SLC25A23: variants seen among roughly 807,000 people sequenced by gnomAD.
SLC25A23 encodes mitochondrial adenyl nucleotide antiporter SLC25A23.
Under a neutral mutation model 53.9 loss-of-function variants are expected in SLC25A23, and 32 were observed. The ratio of observed to expected loss-of-function variants is 0.59; its 90% CI spans 0.45 to 0.80. SLC25A23 has a LOEUF of 0.80. Among genes scored for constraint, SLC25A23 ranks in the 30% least tolerant of loss-of-function variants. The pLI is 0.00. For synonymous variants in SLC25A23, 275 were observed against 264.5 expected (o/e 1.04, Z -0.38); for missense variants, 575 against 651.4 (o/e 0.88, Z 1.28).
chr19:6,449,124 A>C (rs1555736842), intron 8 of SLC25A23, among the ~76,000 whole-genome samples: 1 of 152,144 alleles, frequency 6.6e-6, no homozygotes, highest in Non-Finnish European at 1.5e-5. Flanking sequence ...GACTTCTCGG[A>C]GCCTTTAAGG....
rs2092401916 is a variant in SLC25A23, at chr19:6,440,346, T to TG, written c.*1628dup. The TG allele has an allele frequency of 6.6e-6, 1 of 152,176 alleles. No individual in the cohort carries two copies. The highest frequency in any genetic ancestry group is 2.4e-5 in the African/African-American group (1 of 41,140). The allele number at this position is 152,176 out of a possible 1,614,324, so 9.4% of individuals were successfully genotyped here. ...ATCTGGAATGAATTTGGGGATTTGG[T>TG]GGTTTTTTTTTGTTTTTGTTTTTTG... is the stretch of plus-strand genomic sequence containing the variant. On this transcript the variant is annotated 3_prime_UTR_variant, in exon 10 of 10. Transcript: ENST00000301454.
chr19:6,454,266 T>C lies in SLC25A23; in HGVS notation c.795+57A>G, dbSNP rs1468454099. The C allele has an allele frequency of 6.4e-7, 1 of 1,571,788 alleles. No homozygotes were observed. The highest frequency in any genetic ancestry group is 8.6e-7 in the Non-Finnish European group (1 of 1,156,512). ...CCCCCAAGCCAATCCCGTAAATCTT[T>C]ATGTACAGCCCAGTCTTCCCTATGG... On this transcript the variant is annotated intron_variant, in intron 6 of 9. Coordinates refer to ENST00000301454, the MANE Select transcript of SLC25A23 (RefSeq NM_024103.3). This position sits in a 1 kb window ranked among gnomAD's most constrained non-coding sequence, Gnocchi z 4.3.
chr19:6,453,239 G>GT (rs34113509), intron 7 of SLC25A23, among the ~76,000 whole-genome samples: 1,809 of 124,990 alleles, frequency 0.014, 58 homozygotes, highest in South Asian at 0.037. Flanking sequence ...TGTGATTGAA[G>GT]TTTTTTTTTT....
At chr19:6,450,597 C>T (rs765073357) in intron 8 of SLC25A23, among the ~76,000 whole-genome samples, 4 of 152,084 alleles carry the variant, frequency 2.6e-5, no homozygotes, top group South Asian at 2.1e-4. Context: ...AGTCACTAAG[C>T]GAATGAGTGA....
At position 6,459,418 on chromosome 19, in the gene SLC25A23, G is replaced by C. The variant is rs2092729232; in HGVS notation, c.156+55C>G. 6.7e-7 allele frequency: 1 copy of C among 1,485,250 alleles called. No individual in the cohort carries two copies. The highest frequency in any genetic ancestry group is 2.1e-5 in the Admixed American group (1 of 48,534). 92.0% of individuals were successfully genotyped at this position (1,485,250 alleles called of 1,614,324 possible). A position where few individuals can be genotyped will look rare whatever the true frequency, so the allele number is the denominator to read the frequency against. On this transcript the variant is annotated intron_variant, in intron 1 of 9. Transcript: ENST00000301454. This position sits in a 1 kb window ranked among gnomAD's most constrained non-coding sequence, Gnocchi z 4.6. ...CCGGCCGCCCAGTTCAGGGGCTTGGGTAACCGGGAGCGGGCGGGGCCGGGA... is the reference window on the plus strand; with the variant it reads ...CCGGCCGCCCAGTTCAGGGGCTTGGCTAACCGGGAGCGGGCGGGGCCGGGA...
Position 6,447,929 on chromosome 19 carries a change from C to A in SLC25A23, c.1072-3628G>T, listed in dbSNP as rs538370766. ...CAAGTGATCTGCCTGCCTCTCCCTC[C>A]CAAAGTGCTGGGATTACAGGAGTGA... is the stretch of plus-strand genomic sequence containing the variant. On this transcript the variant is annotated intron_variant, in intron 8 of 9. Transcript: ENST00000301454. 1.6e-4 allele frequency among the ~76,000 whole-genome samples: 24 copies of A among 152,274 alleles called. No homozygotes were observed. The South Asian group carries it at 5.0e-3, about 32-fold the overall frequency.
At chr19:6,442,242 G>C (rs905971092) in intron 9 of SLC25A23, 83 bp from the exon 10 acceptor site, 1 of 960,404 alleles carries the variant, frequency 1.0e-6, no homozygotes, top group African/African-American at 1.7e-5. Context: ...TGGGCCAGGT[G>C]GTGTCATTGC....
At chr19:6,447,253 C>T (rs1254628896) in intron 8 of SLC25A23, among the ~76,000 whole-genome samples, 5 of 151,914 alleles carry the variant, frequency 3.3e-5, no homozygotes, top group Non-Finnish European at 7.3e-5. Flanking sequence ...CTTGTCCTCA[C>T]GTCCCAGTTT....
At chr19:6,439,943 G>C (rs1039943708), downstream of SLC25A23, 3 of 152,168 alleles carry the variant, frequency 2.0e-5, no homozygotes, top group African/African-American at 7.2e-5. Flanking sequence ...GGCTCAAAGA[G>C]GGAATCATTT....
Position 6,442,171 on chromosome 19 carries a change from C to CGGGGGGTTGGGGGG in SLC25A23, c.1223-13_1223-12insCCCCCCAACCCCCC. Reference sequence around the variant, plus strand: ...ACCCTCGATGGAGGCTGGGAGGGGGCGGGGGGGGCACCAGGTAAGGCCAAC... The same window carrying CGGGGGGTTGGGGGG: ...ACCCTCGATGGAGGCTGGGAGGGGGCGGGGGGTTGGGGGGGGGGGGGGCACCAGGTAAGGCCAAC... On this transcript the variant is annotated splice_polypyrimidine_tract_variant and intron_variant, in intron 9 of 9. Transcript: ENST00000301454. 1 of 597,884 alleles carries CGGGGGGTTGGGGGG rather than the reference C, an allele frequency of 1.7e-6. No individual in the cohort carries two copies. Among genetic ancestry groups the CGGGGGGTTGGGGGG allele is most frequent in the Non-Finnish European group, 2.6e-6 (1 of 384,764 alleles). 37.0% of individuals were successfully genotyped at this position (597,884 alleles called of 1,614,324 possible).
chr19:6,437,262 C>T (rs1400462549), downstream of SLC25A23, among the ~76,000 whole-genome samples: 1 of 152,102 alleles, frequency 6.6e-6, no homozygotes, highest in Non-Finnish European at 1.5e-5. Context: ...CCCACCCCGA[C>T]CTCCCAAAGT....
intron 3 of SLC25A23, 27 bp downstream of exon 3, chr19:6,457,476 T>C: frequency 6.2e-7 from 1 of 1,604,516 alleles, no homozygotes; most frequent in Non-Finnish European, 8.5e-7. Context: ...CTGAGTTACT[T>C]TGGATTCCAG....
At chr19:6,457,735 C>G in intron 2 of SLC25A23, 145 bp from the exon 3 acceptor site, 1 of 665,836 alleles carries the variant, frequency 1.5e-6, no homozygotes. Context: ...TGCAGTAGGG[C>G]TGTGGGGGGA....
At position 6,441,619 on chromosome 19, in the gene SLC25A23, G is replaced by A. The variant is rs1309709230; in HGVS notation, c.*356C>T. On this transcript the variant is annotated 3_prime_UTR_variant, in exon 10 of 10. Transcript: ENST00000301454. The stretch of plus-strand genomic sequence containing the variant: ...AGGATGTGGGGCTGCAGGATCCAGT[G>A]ATTTGGGGGATGGGGATTAAGGGCT... 3.3e-6 allele frequency: 1 copy of A among 299,768 alleles called. No individual in the cohort carries two copies. The highest frequency in any genetic ancestry group is 6.4e-6 in the Non-Finnish European group (1 of 155,872). 18.6% of individuals were successfully genotyped at this position (299,768 alleles called of 1,614,324 possible).
intron 9 of SLC25A23, among the ~76,000 whole-genome samples, chr19:6,442,934 CTT>C (rs1024821991): frequency 1.6e-3 from 177 of 113,132 alleles, no homozygotes; most frequent in African/African-American, 5.5e-3. Flanking sequence ...ATGCCCAGCC[CTT>C]TTTTTTTTTT....
chr19:6,444,326 G>A, intron 8 of SLC25A23, 25 bp from the exon 9 acceptor site: 1 of 1,552,302 alleles, frequency 6.4e-7, no homozygotes, highest in East Asian at 2.3e-5. Context: ...GGAGTAGGGA[G>A]GGTTGGGGTG....
intron 8 of SLC25A23, among the ~76,000 whole-genome samples, chr19:6,447,022 A>AGAAG (rs1023126016): frequency 4.8e-5 from 7 of 145,904 alleles, no homozygotes; most frequent in East Asian, 1.9e-4. Context: ...AGAAACTGAA[A>AGAAG]GAAGGAAGGA....
Position 6,458,093 on chromosome 19 carries a change from C to T in SLC25A23, c.283+105G>A, listed in dbSNP as rs562141424. On this transcript the variant is annotated intron_variant, in intron 2 of 9. Transcript: ENST00000301454. ...CCTATGAGTCATCGGGGAGAAGCGG[C>T]CCTCCCCCTCTCCTCCTAGCGCTGC... is the stretch of plus-strand genomic sequence containing the variant. 7.8e-5 allele frequency: 109 copies of T among 1,390,510 alleles called. No individual in the cohort carries two copies. In the African/African-American group the frequency reaches 1.1e-3, roughly 15 times the overall value. The allele number at this position is 1,390,510 out of a possible 1,614,324, so 86.1% of individuals were successfully genotyped here. A position where few individuals can be genotyped will look rare whatever the true frequency, so the allele number is the denominator to read the frequency against.
intron 9 of SLC25A23, among the ~76,000 whole-genome samples, chr19:6,442,405 G>A (rs985021817): frequency 1.3e-5 from 2 of 152,162 alleles, no homozygotes; most frequent in African/African-American, 2.4e-5. Context: ...AGAAAGGACA[G>A]AAATGTCCTC....
Sources: allele counts gnomAD v4.1 joint callset (sites outside exome capture counted in the v4.1 genomes callset), GRCh38; gene constraint gnomAD v4.1.1; non-coding constraint Gnocchi (gnomAD v3.1); transcripts MANE v1.5; gene names NCBI Gene and HGNC (gene_info 2026-07-23, HGNC 2026-07-21).